SLC25A25: variants seen among roughly 807,000 people sequenced by gnomAD.
SLC25A25 encodes mitochondrial adenyl nucleotide antiporter SLC25A25.
Under a neutral mutation model 57.7 loss-of-function variants are expected in SLC25A25, and 32 were observed. That is an observed-to-expected ratio of 0.55 (90% CI 0.42 to 0.74). The LOEUF (loss-of-function observed/expected upper bound fraction) is 0.74. Ranked by LOEUF, SLC25A25 falls within the 30% of genes least tolerant of loss-of-function variation. SLC25A25 has a pLI of 0.00. For synonymous variants in SLC25A25, 306 were observed against 291.2 expected, an observed-to-expected ratio of 1.05 and a Z score of -0.52; for missense variants, 556 against 701.3, an observed-to-expected ratio of 0.79 and a Z score of 2.34.
In SLC25A25 at chr9:128,102,134, C is replaced by T; in HGVS notation, c.512+19C>T. 6.4e-7 allele frequency: 1 copy of T among 1,550,558 alleles called. No individual in the cohort carries two copies. The highest frequency in any genetic ancestry group is 8.7e-7 in the Non-Finnish European group (1 of 1,146,924). ...TCACCTAGTAAGTATCCATGTCGCT[C>T]ATGACTGCCTCCCTTGACTTCCATG... On this transcript the variant is annotated intron_variant, in intron 4 of 10. Coordinates refer to ENST00000373069, the MANE Select transcript of SLC25A25 (RefSeq NM_001330988.2). This position sits in a 1 kb window ranked among gnomAD's most constrained non-coding sequence, Gnocchi z 4.1.
In SLC25A25 at chr9:128,106,157, G is replaced by T; in HGVS notation, c.944G>T (p.Arg315Leu). The change falls in exon 8 of 11, where the codon CGC (arginine) becomes CTC (leucine). Residue 315 changes from arginine to leucine, a missense_variant. Coordinates refer to ENST00000373069, the MANE Select transcript of SLC25A25 (RefSeq NM_001330988.2). ...IKFMAYEQIK[R>L]LVGSDQETLR... ...GTTTGTTCCTGGTTCTAGATCAAGC[G>T]CCTTGTTGGTAGTGACCAGGAGACT... 2.5e-6 allele frequency: 4 copies of T among 1,614,212 alleles called. No individual in the cohort carries two copies. The highest frequency in any genetic ancestry group is 1.3e-5 in the African/African-American group (1 of 75,060).
chr9:128,098,546 AGCACCCAGCAGGCC>A (rs760591264), intron 1 of SLC25A25: 5 of 1,603,752 alleles, frequency 3.1e-6, no homozygotes, highest in Non-Finnish European at 3.4e-6. Flanking sequence ...AGGGCAGTGG[AGCACCCAGCAGGCC>A]GCCAACATGC....
chr9:128,091,351 G>A (rs1833398527), intron 1 of SLC25A25: 1 of 819,510 alleles, frequency 1.2e-6, no homozygotes, highest in African/African-American at 1.9e-5. Flanking sequence ...TGTGATTGGA[G>A]GGCTGGTGCT....
chr9:128,102,749 G>T lies in SLC25A25; in HGVS notation c.624+268G>T, dbSNP rs1029675451. 6.6e-6 allele frequency among the ~76,000 whole-genome samples: 1 copy of T among 152,136 alleles called. No homozygotes were observed. On this transcript the variant is annotated intron_variant, in intron 5 of 10. Coordinates refer to ENST00000373069, the MANE Select transcript of SLC25A25 (RefSeq NM_001330988.2). The surrounding 1 kb of genome is among the most constrained non-coding windows in gnomAD (Gnocchi z 4.1). The stretch of plus-strand genomic sequence containing the variant: ...CGTCCCCACATGCTCCCTGCTCCCT[G>T]CTCCTCATGGGCCACTTCAAATACC...
In SLC25A25 at chr9:128,068,583, A is replaced by G. The variant is rs769856402; in HGVS notation, c.261+3A>G. 2.8e-6 allele frequency: 4 copies of G among 1,412,914 alleles called. No homozygotes were observed. The highest frequency in any genetic ancestry group is 1.8e-6 in the Non-Finnish European group (2 of 1,086,270). The allele number at this position is 1,412,914 out of a possible 1,614,324, so 87.5% of individuals were successfully genotyped here. Reference sequence around the variant, plus strand: ...ACCGCACCGAGGGCGAGCTCCAGGTAGGCTGCGCGCGTCCTCAGCACTGGC... The same window carrying G: ...ACCGCACCGAGGGCGAGCTCCAGGTGGGCTGCGCGCGTCCTCAGCACTGGC... On this transcript the variant is annotated splice_donor_region_variant and intron_variant, in intron 1 of 10. Transcript: ENST00000373069.
At chr9:128,080,095 G>A (rs1374683846) in intron 1 of SLC25A25, among the ~76,000 whole-genome samples, 2 of 151,964 alleles carry the variant, frequency 1.3e-5, no homozygotes, top group Non-Finnish European at 2.9e-5. Context: ...GCCGGGCATG[G>A]TGGCTTATGC....
chr9:128,097,858 A>G (rs559396467), intron 1 of SLC25A25, among the ~76,000 whole-genome samples: 40 of 152,278 alleles, frequency 2.6e-4, no homozygotes, highest in African/African-American at 9.6e-4. Flanking sequence ...AAGAGGTTTC[A>G]ATGCAATGTG....
At chr9:128,081,782 T>C (rs1833160957) in intron 1 of SLC25A25, among the ~76,000 whole-genome samples, 1 of 151,862 alleles carries the variant, frequency 6.6e-6, no homozygotes, top group Non-Finnish European at 1.5e-5. Flanking sequence ...TTTTAAAAAA[T>C]TAGCCAGGCA....
chr9:128,091,139 C>G (rs1184999269), intron 1 of SLC25A25: 1 of 152,236 alleles, frequency 6.6e-6, no homozygotes, highest in South Asian at 2.1e-4. Flanking sequence ...TTCTAGAATG[C>G]TCTTAGGACA....
At position 128,103,086 on chromosome 9, in the gene SLC25A25, C is replaced by A. The variant is rs1833875913; in HGVS notation, c.625-595C>A. Among the ~76,000 whole-genome samples, 1 of 152,212 alleles carries A rather than the reference C, an allele frequency of 6.6e-6. No individual in the cohort carries two copies. Among genetic ancestry groups the A allele is most frequent in the Non-Finnish European group, 1.5e-5 (1 of 68,038 alleles). On this transcript the variant is annotated intron_variant, in intron 5 of 10. Coordinates refer to ENST00000373069, the MANE Select transcript of SLC25A25 (RefSeq NM_001330988.2). The surrounding 1 kb of genome is among the most constrained non-coding windows in gnomAD (Gnocchi z 6.7). ...AGAGGCGCTCCTCATCTGCCTCTCG[C>A]AGTGCCAGGCCAGGGCTTGTTAGGT...
chr9:128,077,163 C>G (rs184510456), intron 1 of SLC25A25, among the ~76,000 whole-genome samples: 26 of 152,298 alleles, frequency 1.7e-4, no homozygotes, highest in Non-Finnish European at 3.8e-4. Context: ...CCTTACAGTT[C>G]CCTTAGCTGA....
In SLC25A25 at chr9:128,103,168, A is replaced by G. The variant is rs1038491467; in HGVS notation, c.625-513A>G. 6.6e-6 allele frequency among the ~76,000 whole-genome samples: 1 copy of G among 152,202 alleles called. No homozygotes were observed. The highest frequency in any genetic ancestry group is 1.5e-5 in the Non-Finnish European group (1 of 68,024). ...TAGCTGGCCCAGAGCTCTGGCCTTT[A>G]GCCCTGGGATCAGAGCAGAGGTGGC... On this transcript the variant is annotated intron_variant, in intron 5 of 10. Transcript: ENST00000373069. The surrounding 1 kb of genome is among the most constrained non-coding windows in gnomAD (Gnocchi z 6.7).
chr9:128,101,823 G>C lies in SLC25A25; in HGVS notation c.477-257G>C, dbSNP rs1019397407. On this transcript the variant is annotated intron_variant, in intron 3 of 10. Transcript: ENST00000373069. The surrounding 1 kb of genome is among the most constrained non-coding windows in gnomAD (Gnocchi z 4.9). ...GCCCCAAAAGATAGCTCCCTGGTGCGGGGCGGCTGCCAGGAAATCTCATGG... is the reference window on the plus strand; with the variant it reads ...GCCCCAAAAGATAGCTCCCTGGTGCCGGGCGGCTGCCAGGAAATCTCATGG... Among the ~76,000 whole-genome samples the C allele has an allele frequency of 6.6e-6, 1 of 152,192 alleles. No homozygotes were observed. Among genetic ancestry groups the C allele is most frequent in the East Asian group, 1.9e-4 (1 of 5,200 alleles).
intron 1 of SLC25A25, among the ~76,000 whole-genome samples, chr9:128,088,227 G>A (rs1564183745): frequency 6.6e-6 from 1 of 152,138 alleles, no homozygotes; most frequent in African/African-American, 2.4e-5. Flanking sequence ...TCACTGTAGA[G>A]GCAAAACCCT....
intron 1 of SLC25A25, among the ~76,000 whole-genome samples, chr9:128,088,010 A>G (rs1254896281): frequency 1.3e-5 from 2 of 152,212 alleles, no homozygotes; most frequent in Non-Finnish European, 2.9e-5. Flanking sequence ...CTCAGTCTTT[A>G]TTGATTTCTG....
chr9:128,102,310 G>C lies in SLC25A25; in HGVS notation c.513-60G>C. On this transcript the variant is annotated intron_variant, in intron 4 of 10. Coordinates refer to ENST00000373069, the MANE Select transcript of SLC25A25 (RefSeq NM_001330988.2). The surrounding 1 kb of genome is among the most constrained non-coding windows in gnomAD (Gnocchi z 4.1). Reference sequence around the variant, plus strand: ...CTGCCCTTGGCTCACTGGGAGGTGGGGGGATGCAGCTGGCGGATGGGCATG... The same window carrying C: ...CTGCCCTTGGCTCACTGGGAGGTGGCGGGATGCAGCTGGCGGATGGGCATG... The C allele has an allele frequency of 6.6e-7, 1 of 1,510,308 alleles. No individual in the cohort carries two copies. 93.6% of individuals were successfully genotyped at this position (1,510,308 alleles called of 1,614,324 possible).
chr9:128,100,247 G>A (rs144720722), intron 1 of SLC25A25, among the ~76,000 whole-genome samples: 106 of 152,270 alleles, frequency 7.0e-4, no homozygotes, highest in Non-Finnish European at 1.2e-3. Context: ...CCCTGCGGCC[G>A]GTGCTAGGTG....
Position 128,107,561 on chromosome 9 carries a change from A to C in SLC25A25, c.*117A>C. The C allele has an allele frequency of 4.0e-6, 5 of 1,256,812 alleles. No homozygotes were observed. The highest frequency in any genetic ancestry group is 2.0e-5 in the South Asian group (1 of 50,260). The allele number at this position is 1,256,812 out of a possible 1,614,324, so 77.9% of individuals were successfully genotyped here. ...AGCTGTCTCGAGCCAAGCTGTGAAA[A>C]CCCTAGACGCACCCGCAGGGAGGGT... On this transcript the variant is annotated 3_prime_UTR_variant, in exon 11 of 11. Coordinates refer to ENST00000373069, the MANE Select transcript of SLC25A25 (RefSeq NM_001330988.2).
At chr9:128,088,297 C>T (rs1028245101) in intron 1 of SLC25A25, among the ~76,000 whole-genome samples, 2 of 152,180 alleles carry the variant, frequency 1.3e-5, no homozygotes, top group Non-Finnish European at 2.9e-5. Flanking sequence ...CTGACAGGAA[C>T]GGGAACTATT....
Sources: allele counts gnomAD v4.1 joint callset (sites outside exome capture counted in the v4.1 genomes callset), GRCh38; gene constraint gnomAD v4.1.1; non-coding constraint Gnocchi (gnomAD v3.1); transcripts MANE v1.5; gene names NCBI Gene and HGNC (gene_info 2026-07-23, HGNC 2026-07-21).